C5orf63: variants seen among roughly 807,000 people sequenced by gnomAD.
C5orf63 encodes the protein chromosome 5 open reading frame 63, also known as glutaredoxin-like protein C5orf63.
In C5orf63, 18 loss-of-function variants were observed where a neutral mutation model predicts 13.3. That is an observed-to-expected ratio of 1.36 (90% CI 0.94 to 2.01). The LOEUF is 2.01. Ranked by LOEUF, C5orf63 falls within the 30% of genes most tolerant of loss-of-function variation. C5orf63 has a pLI of 0.00. For synonymous variants in C5orf63, 38 were observed against 44.7 expected (o/e 0.85, Z 0.60); for missense variants, 118 against 127.7 (o/e 0.92, Z 0.36).
In C5orf63 at chr5:127,051,345, A is replaced by G; in HGVS notation, c.*426T>C. The G allele has an allele frequency of 8.1e-7, 1 of 1,231,702 alleles. No homozygotes were observed. Among genetic ancestry groups the G allele is most frequent in the Non-Finnish European group, 1.0e-6 (1 of 987,906 alleles). The allele number at this position is 1,231,702 out of a possible 1,614,324, so 76.3% of individuals were successfully genotyped here. A position where few individuals can be genotyped will look rare whatever the true frequency, so the allele number is the denominator to read the frequency against. On this transcript the variant is annotated 3_prime_UTR_variant, in exon 5 of 5. Coordinates refer to ENST00000296662, the MANE Select transcript of C5orf63 (RefSeq NM_001164478.2). Reference sequence around the variant, plus strand: ...GCTTTATTGACCGTGCACAGTTATTAACAATTCACATTTCACTTTATCTAC... The same window carrying G: ...GCTTTATTGACCGTGCACAGTTATTGACAATTCACATTTCACTTTATCTAC...
At chr5:127,046,912 C>G (rs2126877320), downstream of C5orf63, 1 of 152,330 alleles carries the variant, frequency 6.6e-6, no homozygotes, top group East Asian at 1.9e-4. Flanking sequence ...AGAAAATAAG[C>G]CAAGGCACTG....
chr5:127,067,343 T>C (rs767116714), intron 2 of C5orf63, among the ~76,000 whole-genome samples: 6 of 152,206 alleles, frequency 3.9e-5, no homozygotes, highest in African/African-American at 7.2e-5. Flanking sequence ...GTGCTTTTAC[T>C]GGCATCAAAT....
downstream of C5orf63, chr5:127,044,542 T>C (rs917553867): frequency 5.3e-5 from 8 of 152,162 alleles, no homozygotes; most frequent in Admixed American, 1.3e-4. Flanking sequence ...TCTGTGTCAA[T>C]AGAGAGGTAC....
chr5:127,064,072 G>A (rs1389473931), intron 2 of C5orf63, among the ~76,000 whole-genome samples: 1 of 152,058 alleles, frequency 6.6e-6, no homozygotes, highest in Non-Finnish European at 1.5e-5. Context: ...GTCAGTCATT[G>A]GTGTCCAAAC....
downstream of C5orf63, chr5:127,045,078 G>GT (rs768958076): frequency 6.6e-5 from 10 of 152,084 alleles, 1 homozygote; most frequent in Non-Finnish European, 1.3e-4. Context: ...TGTCTTTTCT[G>GT]TATCTTTCAG....
At chr5:127,055,412 T>C (rs986020731) in intron 3 of C5orf63, among the ~76,000 whole-genome samples, 17 of 152,164 alleles carry the variant, frequency 1.1e-4, no homozygotes, top group African/African-American at 3.4e-4. Context: ...GGACCTGCTA[T>C]AGGTTCTCTT....
In C5orf63 at chr5:127,052,803, T is replaced by A. The variant is rs141112104; in HGVS notation, c.115-134A>T. On this transcript the variant is annotated intron_variant, in intron 3 of 4. Transcript: ENST00000296662. ...AAGAATAGTTTTCTACCATGTTAGT[T>A]ACACTGCTTTTCCAAAGTAAAACAC... 1.4e-3 allele frequency: 747 copies of A among 540,770 alleles called. 3 individuals carry two copies. The highest frequency in any genetic ancestry group is 0.013 in the African/African-American group (687 of 51,646). 33.5% of individuals were successfully genotyped at this position (540,770 alleles called of 1,614,324 possible).
intron 4 of C5orf63, 172 bp downstream of exon 4, chr5:127,052,441 G>A (rs992815830): frequency 1.3e-4 from 60 of 449,662 alleles, no homozygotes; most frequent in Admixed American, 7.8e-4. Context: ...AAACACTTAG[G>A]TGTAATGAGT....
At chr5:127,060,603 G>A (rs1408196377) in intron 2 of C5orf63, among the ~76,000 whole-genome samples, 1 of 152,190 alleles carries the variant, frequency 6.6e-6, no homozygotes, top group Non-Finnish European at 1.5e-5. Context: ...TTGCTTTACT[G>A]TATCTCTGCA....
downstream of C5orf63, among the ~76,000 whole-genome samples, chr5:127,049,851 G>A (rs183558909): frequency 1.1e-3 from 164 of 152,294 alleles, no homozygotes; most frequent in African/African-American, 3.5e-3. Context: ...CTCATCTGTC[G>A]TTGGGGATCC....
intron 2 of C5orf63, among the ~76,000 whole-genome samples, chr5:127,061,701 G>A (rs1754113523): frequency 6.6e-6 from 1 of 152,138 alleles, no homozygotes; most frequent in Non-Finnish European, 1.5e-5. Flanking sequence ...TGTCTACACA[G>A]GCTATAAAAA....
intron 2 of C5orf63, among the ~76,000 whole-genome samples, chr5:127,067,863 T>C (rs923641223): frequency 2.6e-5 from 4 of 152,132 alleles, no homozygotes; most frequent in Non-Finnish European, 5.9e-5. Context: ...TCTGAGTAAA[T>C]TGTCTAGAGA....
At chr5:127,053,144 G>A (rs1753747489) in intron 3 of C5orf63, among the ~76,000 whole-genome samples, 1 of 152,168 alleles carries the variant, frequency 6.6e-6, no homozygotes, top group Non-Finnish European at 1.5e-5. Context: ...GATGGAGTCA[G>A]ATAGTAATTG....
chr5:127,044,517 T>G (rs1029724046), downstream of C5orf63: 1 of 152,176 alleles, frequency 6.6e-6, no homozygotes. Context: ...TATGTCTCCA[T>G]GCTCAACATG....
downstream of C5orf63, chr5:127,047,556 G>T: frequency 1.7e-6 from 1 of 601,582 alleles, no homozygotes; most frequent in South Asian, 2.0e-5. Context: ...TTATTGAAGA[G>T]CTATAGGTTA....
downstream of C5orf63, among the ~76,000 whole-genome samples, chr5:127,049,821 T>A (rs1355390373): frequency 6.6e-6 from 1 of 152,208 alleles, no homozygotes; most frequent in Non-Finnish European, 1.5e-5. Flanking sequence ...GAAATCAAGA[T>A]GTTGGTCAAG....
intron 2 of C5orf63, among the ~76,000 whole-genome samples, chr5:127,066,965 C>G (rs1270342080): frequency 6.6e-6 from 1 of 152,130 alleles, no homozygotes; most frequent in Non-Finnish European, 1.5e-5. Context: ...GTCAAGGAGA[C>G]TGATGAGGGC....
chr5:127,046,791 T>C (rs1171168284), downstream of C5orf63: 2 of 152,246 alleles, frequency 1.3e-5, no homozygotes, highest in African/African-American at 4.8e-5. Context: ...CAGGGTGCTG[T>C]ATTGCTGAAC....
chr5:127,052,766 A>G (rs1753727204), intron 3 of C5orf63, 97 bp from the exon 4 acceptor site: 1 of 826,248 alleles, frequency 1.2e-6, no homozygotes, highest in African/African-American at 1.8e-5. Context: ...GAGGCAGATT[A>G]TACTTATTTT....
Sources: gnomAD v4.1 joint callset for allele counts (sites outside exome capture counted in the v4.1 genomes callset) on GRCh38, gnomAD v4.1.1 for gene constraint, MANE v1.5 for transcripts, NCBI Gene and HGNC (gene_info 2026-07-23, HGNC 2026-07-21) for gene names.